SAMD5: variants seen among roughly 807,000 people sequenced by gnomAD.
The protein encoded by SAMD5 is sterile alpha motif domain containing 5.
A neutral mutation model predicts 11.3 loss-of-function variants in SAMD5; 13 were observed. The ratio of observed to expected loss-of-function variants is 1.15; its 90% CI spans 0.75 to 1.83. The LOEUF (loss-of-function observed/expected upper bound fraction) is 1.83. Ranked by LOEUF, SAMD5 falls within the 40% of genes most tolerant of loss-of-function variation. The pLI is 0.00. For synonymous variants in SAMD5, 129 were observed against 111.3 expected (o/e 1.16, Z -1.00); for missense variants, 255 against 239.1 (o/e 1.07, Z -0.44).
At chr6:147,659,062 C>G (rs1344171706) in intron 1 of SAMD5, among the ~76,000 whole-genome samples, 2 of 152,188 alleles carry the variant, frequency 1.3e-5, no homozygotes, top group African/African-American at 4.8e-5. Flanking sequence ...GGCAAACTTC[C>G]TTACAGAAAA....
At chr6:147,938,314 A>G in the SAMD5 span, among the ~76,000 whole-genome samples, 3 of 151,750 alleles carry the variant, frequency 2.0e-5, no homozygotes, top group African/African-American at 7.2e-5. Context: ...CAACAGTACT[A>G]AAAGTGTATT....
chr6:147,769,476 T>C, the SAMD5 span, among the ~76,000 whole-genome samples: 1 of 152,200 alleles, frequency 6.6e-6, no homozygotes, highest in Non-Finnish European at 1.5e-5. Context: ...TCAAACAACT[T>C]CCTTACTCAG....
chr6:147,581,250 A>G (rs188588518), intron 1 of SAMD5, among the ~76,000 whole-genome samples: 136 of 152,278 alleles, frequency 8.9e-4, no homozygotes, highest in Middle Eastern at 3.4e-3. Context: ...GAAAGAATAC[A>G]TTTGTAGGGC....
intron 1 of SAMD5, among the ~76,000 whole-genome samples, chr6:147,657,691 G>C (rs1274807351): frequency 6.6e-6 from 1 of 152,148 alleles, no homozygotes; most frequent in Non-Finnish European, 1.5e-5. Flanking sequence ...TCCGGTGAGG[G>C]CCTGCTTGCT....
At chr6:147,625,711 A>AC (rs1790040413) in intron 1 of SAMD5, among the ~76,000 whole-genome samples, 2 of 152,120 alleles carry the variant, frequency 1.3e-5, no homozygotes, top group African/African-American at 2.4e-5. Flanking sequence ...CGTTAAAAGA[A>AC]AACACATACA....
At chr6:147,913,553 G>T in the SAMD5 span, among the ~76,000 whole-genome samples, 1 of 152,026 alleles carries the variant, frequency 6.6e-6, no homozygotes, top group South Asian at 2.1e-4. Flanking sequence ...AAAATGAGCC[G>T]GGTGTGGTGG....
the SAMD5 span, among the ~76,000 whole-genome samples, chr6:147,879,456 A>C: frequency 6.6e-6 from 1 of 152,334 alleles, no homozygotes; most frequent in Admixed American, 6.5e-5. Context: ...TGGACCTGCC[A>C]GGCTGCATTT....
the SAMD5 span, among the ~76,000 whole-genome samples, chr6:147,848,456 T>C: frequency 4.6e-5 from 7 of 152,204 alleles, no homozygotes; most frequent in Admixed American, 4.6e-4. Flanking sequence ...ACCTCATATG[T>C]CCTAATTTAT....
the SAMD5 span, among the ~76,000 whole-genome samples, chr6:147,923,579 G>A: frequency 2.0e-4 from 31 of 152,174 alleles, no homozygotes; most frequent in Non-Finnish European, 3.7e-4. Flanking sequence ...TAAGGCAGAT[G>A]TTAATTATGT....
chr6:147,749,084 ATTTCTTTGGCTTCTATATTATAAC>A, the SAMD5 span, among the ~76,000 whole-genome samples: 1 of 151,808 alleles, frequency 6.6e-6, no homozygotes, highest in African/African-American at 2.4e-5. Flanking sequence ...CTTGAGATGT[ATTTCTTTGGCTTCTATATTATAAC>A]TTTCTTTGGC....
At chr6:147,679,806 C>CT (rs143350409) in intron 1 of SAMD5, among the ~76,000 whole-genome samples, 19,905 of 139,494 alleles carry the variant, frequency 0.14, 1,607 homozygotes, top group African/African-American at 0.23. Flanking sequence ...TGGATAAAAA[C>CT]TTTTTTTTTT....
At chr6:147,929,663 A>G in the SAMD5 span, among the ~76,000 whole-genome samples, 1 of 152,180 alleles carries the variant, frequency 6.6e-6, no homozygotes, top group Non-Finnish European at 1.5e-5. Flanking sequence ...GTAGAATGAC[A>G]TCTACAAATG....
At chr6:147,629,948 CTTT>C (rs770484060) in intron 1 of SAMD5, among the ~76,000 whole-genome samples, 17 of 123,208 alleles carry the variant, frequency 1.4e-4, no homozygotes, top group Admixed American at 2.5e-4. Context: ...GTTTTCTTTT[CTTT>C]TTTTTTTTTT....
chr6:147,914,167 T>G, the SAMD5 span, among the ~76,000 whole-genome samples: 1 of 151,920 alleles, frequency 6.6e-6, no homozygotes, highest in Non-Finnish European at 1.5e-5. Context: ...ACTTTTTTTT[T>G]TTTTTTTTTT....
At chr6:147,596,302 G>C (rs910954203) in intron 1 of SAMD5, among the ~76,000 whole-genome samples, 1 of 152,146 alleles carries the variant, frequency 6.6e-6, no homozygotes, top group Non-Finnish European at 1.5e-5. Context: ...GACTGTCTTT[G>C]CTTCAGTGCC....
the SAMD5 span, among the ~76,000 whole-genome samples, chr6:147,802,270 A>G: frequency 7.2e-5 from 11 of 152,246 alleles, no homozygotes; most frequent in Non-Finnish European, 1.3e-4. Context: ...AAAACTTAAC[A>G]TAGGAAAATA....
At chr6:147,604,884 T>C (rs1789677586) in intron 1 of SAMD5, among the ~76,000 whole-genome samples, 1 of 152,198 alleles carries the variant, frequency 6.6e-6, no homozygotes, top group Non-Finnish European at 1.5e-5. Context: ...TAATGACTTT[T>C]AAAAATTTAA....
In SAMD5 at chr6:147,567,937, A is replaced by G. The variant is rs2128444983; in HGVS notation, c.*3481A>G. ...TCCCGTCTCAAAACAAAACAAAACA[A>G]AACAAAACAGCAAATTCATAAAGGC... On this transcript the variant is annotated 3_prime_UTR_variant, in exon 2 of 2. Coordinates refer to ENST00000367474, the MANE Select transcript of SAMD5 (RefSeq NM_001030060.3). 1.0e-6 allele frequency: 1 copy of G among 985,776 alleles called. No homozygotes were observed. Among genetic ancestry groups the G allele is most frequent in the Non-Finnish European group, 1.2e-6 (1 of 830,176 alleles). 61.1% of individuals were successfully genotyped at this position (985,776 alleles called of 1,614,324 possible). A position where few individuals can be genotyped will look rare whatever the true frequency, so the allele number is the denominator to read the frequency against.
the SAMD5 span, among the ~76,000 whole-genome samples, chr6:147,836,344 C>T: frequency 6.6e-6 from 1 of 152,186 alleles, no homozygotes; most frequent in Non-Finnish European, 1.5e-5. Context: ...TACATTAAGA[C>T]ATATGCCAAT....
Sources: gnomAD v4.1 joint callset for allele counts (sites outside exome capture counted in the v4.1 genomes callset) on GRCh38, gnomAD v4.1.1 for gene constraint, MANE v1.5 for transcripts, NCBI Gene and HGNC (gene_info 2026-07-23, HGNC 2026-07-21) for gene names.